PLEKHM2: variants seen among roughly 807,000 people sequenced by gnomAD.
The protein encoded by PLEKHM2 is pleckstrin homology and RUN domain containing M2, also known as pleckstrin homology domain-containing family M member 2.
PLEKHM2 carries 77 observed loss-of-function variants against 116.3 expected under a neutral mutation model. The ratio of observed to expected loss-of-function variants is 0.66; its 90% CI spans 0.55 to 0.80. The LOEUF is 0.80. Ranked by LOEUF, PLEKHM2 falls within the 30% of genes least tolerant of loss-of-function variation. The probability of loss-of-function intolerance (pLI) is 0.00; values close to 1 mark genes in which losing one functional copy is unlikely to be tolerated. For synonymous variants in PLEKHM2, 562 were observed against 571.0 expected (o/e 0.98, Z 0.22); for missense variants, 1,183 against 1,354.9 (o/e 0.87, Z 1.99).
At position 15,728,966 on chromosome 1, in the gene PLEKHM2, G is replaced by A. The variant is rs955162381; in HGVS notation, c.1987-136G>A. On this transcript the variant is annotated intron_variant, in intron 12 of 19. Transcript: ENST00000375799. The surrounding 1 kb of genome is among the most constrained non-coding windows in gnomAD (Gnocchi z 5.9). ...CCCTCCCTCACTCATGCCAGCCCCT[G>A]GCCTCTGGGGCTTTACTTGGTGGTG... 2 of 852,316 alleles carry A rather than the reference G, an allele frequency of 2.3e-6. No individual in the cohort carries two copies. Among genetic ancestry groups the A allele is most frequent in the Admixed American group, 2.1e-5 (1 of 47,056 alleles). 52.8% of individuals were successfully genotyped at this position (852,316 alleles called of 1,614,324 possible).
chr1:15,732,090 C>T, intron 17 of PLEKHM2, 42 bp downstream of exon 17: 1 of 1,566,634 alleles, frequency 6.4e-7, no homozygotes, highest in Non-Finnish European at 8.7e-7. Context: ...GCTTGCCTGA[C>T]CCACCCAGAC....
chr1:15,698,858 C>T (rs982245028), intron 1 of PLEKHM2, among the ~76,000 whole-genome samples: 1 of 152,150 alleles, frequency 6.6e-6, no homozygotes, highest in African/African-American at 2.4e-5. Flanking sequence ...CAACATTTTT[C>T]ATATAGAGCA....
chr1:15,716,681 C>T (rs565134297), intron 2 of PLEKHM2, 26 bp from the exon 3 acceptor site: 2 of 1,553,366 alleles, frequency 1.3e-6, no homozygotes, highest in South Asian at 2.4e-5. Flanking sequence ...ATGCAGGTCA[C>T]AGCAGCTCCT....
chr1:15,724,241 T>C (rs2068031403), intron 7 of PLEKHM2, among the ~76,000 whole-genome samples: 1 of 152,034 alleles, frequency 6.6e-6, no homozygotes, highest in African/African-American at 2.4e-5. Flanking sequence ...TCCCAGCATT[T>C]TGGGAGGCCG....
intron 1 of PLEKHM2, among the ~76,000 whole-genome samples, chr1:15,690,994 G>C (rs549997431): frequency 5.6e-4 from 85 of 152,376 alleles, no homozygotes; most frequent in African/African-American, 2.0e-3. Context: ...GACGATCAGG[G>C]AAGATTCCCT....
At chr1:15,700,740 G>A (rs1641092648) in intron 1 of PLEKHM2, among the ~76,000 whole-genome samples, 1 of 152,194 alleles carries the variant, frequency 6.6e-6, no homozygotes, top group African/African-American at 2.4e-5. Context: ...CCAGCACCCA[G>A]CCTTGTCTTA....
In PLEKHM2 at chr1:15,731,708, T is replaced by C. The variant is rs138202915; in HGVS notation, c.2466-181T>C. Among the ~76,000 whole-genome samples, 1,293 of 151,884 alleles carry C rather than the reference T, an allele frequency of 8.5e-3. 16 individuals are homozygous for C. The highest frequency in any genetic ancestry group is 0.029 in the African/African-American group (1,221 of 41,414). ...TGAAAGGCATCGCACAGCAAGGCGG[T>C]GGGTGGGGCTCCCAGACCTCTCCTG... On this transcript the variant is annotated intron_variant, in intron 16 of 19. Coordinates refer to ENST00000375799, the MANE Select transcript of PLEKHM2 (RefSeq NM_015164.4).
At position 15,727,989 on chromosome 1, in the gene PLEKHM2, G is replaced by A. The variant is rs569819325; in HGVS notation, c.1761-90G>A. On this transcript the variant is annotated intron_variant, in intron 9 of 19. Coordinates refer to ENST00000375799, the MANE Select transcript of PLEKHM2 (RefSeq NM_015164.4). This position sits in a 1 kb window ranked among gnomAD's most constrained non-coding sequence, Gnocchi z 7.5. Reference sequence around the variant, plus strand: ...CTAACTTTGGCTCCTAGTGGGAGGCGGAGGCACTACCCCCTGGCTCTGGGG... The same window carrying A: ...CTAACTTTGGCTCCTAGTGGGAGGCAGAGGCACTACCCCCTGGCTCTGGGG... 1.8e-5 allele frequency: 22 copies of A among 1,245,650 alleles called. No individual in the cohort carries two copies. Among genetic ancestry groups the A allele is most frequent in the African/African-American group, 1.3e-4 (9 of 67,302 alleles). 77.2% of individuals were successfully genotyped at this position (1,245,650 alleles called of 1,614,324 possible). A position where few individuals can be genotyped will look rare whatever the true frequency, so the allele number is the denominator to read the frequency against.
chr1:15,715,468 C>G (rs1315831125), intron 1 of PLEKHM2, among the ~76,000 whole-genome samples: 1 of 152,110 alleles, frequency 6.6e-6, no homozygotes. Flanking sequence ...ATGGCGAAAC[C>G]TCGTCTCTAC....
chr1:15,705,044 C>A (rs960380280), intron 1 of PLEKHM2, among the ~76,000 whole-genome samples: 2 of 152,024 alleles, frequency 1.3e-5, no homozygotes, highest in Non-Finnish European at 2.9e-5. Context: ...GCAGCCCTGG[C>A]GGCTCAGTAC....
intron 1 of PLEKHM2, among the ~76,000 whole-genome samples, chr1:15,697,389 C>G (rs958589253): frequency 2.6e-5 from 4 of 152,224 alleles, no homozygotes; most frequent in Non-Finnish European, 5.9e-5. Context: ...AGTCCTCGGT[C>G]CCTCCGTAAG....
rs573594443 is a variant in PLEKHM2, at chr1:15,719,585, T to G, written c.466-149T>G. On this transcript the variant is annotated intron_variant, in intron 5 of 19. Coordinates refer to ENST00000375799, the MANE Select transcript of PLEKHM2 (RefSeq NM_015164.4). The surrounding 1 kb of genome is among the most constrained non-coding windows in gnomAD (Gnocchi z 4.1). ...AAGCCAACACTATTCACATTGCTCT[T>G]CTTAGCAGCTTTTCTTTGAATTTAC... The G allele has an allele frequency of 3.4e-6, 2 of 580,480 alleles. No individual in the cohort carries two copies. The highest frequency in any genetic ancestry group is 2.3e-5 in the South Asian group (1 of 42,730). The allele number at this position is 580,480 out of a possible 1,614,324, so 36.0% of individuals were successfully genotyped here. A position where few individuals can be genotyped will look rare whatever the true frequency, so the allele number is the denominator to read the frequency against.
intron 1 of PLEKHM2, among the ~76,000 whole-genome samples, chr1:15,686,997 A>G (rs960921561): frequency 1.3e-5 from 2 of 152,016 alleles, no homozygotes; most frequent in African/African-American, 4.8e-5. Flanking sequence ...CATGTTGGCC[A>G]GGCTGGTCTT....
intron 1 of PLEKHM2, among the ~76,000 whole-genome samples, chr1:15,697,462 C>T (rs530189949): frequency 8.5e-5 from 13 of 152,346 alleles, no homozygotes; most frequent in African/African-American, 3.1e-4. Context: ...CTTGCACACT[C>T]CCCTTCCGGG....
intron 4 of PLEKHM2, 55 bp from the exon 5 acceptor site, chr1:15,718,483 G>C: frequency 9.5e-7 from 1 of 1,054,564 alleles, no homozygotes; most frequent in Non-Finnish European, 1.4e-6. Context: ...GGTAAGGTTA[G>C]GCCAGGCTGG....
upstream of PLEKHM2, among the ~76,000 whole-genome samples, chr1:15,682,569 A>C (rs1429793420): frequency 6.6e-6 from 1 of 151,656 alleles, no homozygotes; most frequent in Non-Finnish European, 1.5e-5. Flanking sequence ...CAGTGAGCAG[A>C]GATCGCACCA....
chr1:15,725,579 T>C, intron 8 of PLEKHM2, 34 bp downstream of exon 8: 1 of 1,460,570 alleles, frequency 6.8e-7, no homozygotes, highest in East Asian at 2.5e-5. Context: ...GGAGCTGAGG[T>C]CCTGGGGTCC....
chr1:15,700,215 G>A (rs1641083272), intron 1 of PLEKHM2, among the ~76,000 whole-genome samples: 2 of 152,176 alleles, frequency 1.3e-5, no homozygotes, highest in South Asian at 2.1e-4. Context: ...GCTCTGCCCT[G>A]CTCAGTTTTT....
Position 15,687,992 on chromosome 1 carries a change from G to A in PLEKHM2, c.60+3374G>A, listed in dbSNP as rs540789600. Among the ~76,000 whole-genome samples the A allele has an allele frequency of 2.0e-5, 3 of 152,330 alleles. No homozygotes were observed. In the South Asian group the frequency reaches 6.2e-4, roughly 32 times the overall value. On this transcript the variant is annotated intron_variant, in intron 1 of 19. Transcript: ENST00000375799. ...GTACTTTAGAACTTTTTATGAAAATGAAGCATGCCTACAGGAAAGTGTACA... is the reference window on the plus strand; with the variant it reads ...GTACTTTAGAACTTTTTATGAAAATAAAGCATGCCTACAGGAAAGTGTACA...
Sources: allele counts gnomAD v4.1 joint callset (sites outside exome capture counted in the v4.1 genomes callset), GRCh38; gene constraint gnomAD v4.1.1; non-coding constraint Gnocchi (gnomAD v3.1); transcripts MANE v1.5; gene names NCBI Gene and HGNC (gene_info 2026-07-23, HGNC 2026-07-21).